The following PM20D2 variants were observed in gnomAD, a reference collection of about 807,000 sequenced individuals.
PM20D2 encodes peptidase M20 domain containing 2, also known as xaa-Arg dipeptidase.
PM20D2 carries 33 observed loss-of-function variants against 42.9 expected under a neutral mutation model. The ratio of observed to expected loss-of-function variants is 0.77; its 90% CI spans 0.58 to 1.03. The LOEUF (loss-of-function observed/expected upper bound fraction) is 1.03. PM20D2 is among the 50% of genes least tolerant of loss of function. PM20D2 has a pLI of 0.00. For missense variants in PM20D2, 548 were observed against 557.0 expected, an observed-to-expected ratio of 0.98 and a Z score of 0.16; for synonymous variants, 250 against 228.2, an observed-to-expected ratio of 1.10 and a Z score of -0.86.
chr6:89,159,641 G>A (rs1036604345), intron 5 of PM20D2, among the ~76,000 whole-genome samples: 7 of 152,154 alleles, frequency 4.6e-5, no homozygotes, highest in African/African-American at 1.7e-4. Context: ...ATACGGAAAA[G>A]AAAATAGTTT....
chr6:89,112,326 ATT>A, the PM20D2 span, among the ~76,000 whole-genome samples: 3 of 152,180 alleles, frequency 2.0e-5, no homozygotes, highest in South Asian at 6.2e-4. Context: ...TTTTTTAAAA[ATT>A]TGTTTTGTTT....
chr6:89,131,416 G>A, the PM20D2 span, among the ~76,000 whole-genome samples: 6 of 149,246 alleles, frequency 4.0e-5, no homozygotes, highest in South Asian at 2.2e-4. Flanking sequence ...GGCTGAGTAC[G>A]GTGGCTCACA....
the PM20D2 span, among the ~76,000 whole-genome samples, chr6:89,094,780 TC>T: frequency 1.0e-5 from 1 of 99,100 alleles, no homozygotes. Flanking sequence ...CTGCTACGCA[TC>T]TTTTTTTTTT....
At chr6:89,114,412 A>G in the PM20D2 span, among the ~76,000 whole-genome samples, 4 of 152,232 alleles carry the variant, frequency 2.6e-5, no homozygotes, top group Admixed American at 2.0e-4. Context: ...TGGCTGACAC[A>G]GCAAGACTCT....
intron 1 of PM20D2, among the ~76,000 whole-genome samples, chr6:89,148,877 G>A (rs903174911): frequency 6.6e-6 from 1 of 152,166 alleles, no homozygotes; most frequent in Non-Finnish European, 1.5e-5. Context: ...TTTCTGACTC[G>A]TAAAGTACTT....
the PM20D2 span, among the ~76,000 whole-genome samples, chr6:89,102,341 G>C: frequency 6.6e-6 from 1 of 151,934 alleles, no homozygotes; most frequent in East Asian, 1.9e-4. Flanking sequence ...ATGGGGTTTC[G>C]CCATGTTGGC....
At chr6:89,116,880 T>C in the PM20D2 span, among the ~76,000 whole-genome samples, 2 of 152,176 alleles carry the variant, frequency 1.3e-5, no homozygotes, top group Non-Finnish European at 2.9e-5. Context: ...AAGAGCTCCA[T>C]GTATCTATAC....
At chr6:89,148,662 T>C (rs1188805611) in intron 1 of PM20D2, 1 of 701,698 alleles carries the variant, frequency 1.4e-6, no homozygotes, top group Admixed American at 6.3e-5. Flanking sequence ...GTTCAGACTT[T>C]TAAAATAGGT....
At chr6:89,106,710 C>CT in the PM20D2 span, 13 of 248,786 alleles carry the variant, frequency 5.2e-5, no homozygotes, top group Non-Finnish European at 6.6e-5. Flanking sequence ...GAACCTTGAC[C>CT]TTTACTCTTT....
intron 4 of PM20D2, among the ~76,000 whole-genome samples, chr6:89,155,215 T>C (rs1419865751): frequency 1.3e-5 from 2 of 151,722 alleles, no homozygotes; most frequent in Admixed American, 6.6e-5. Context: ...AATTGCTATA[T>C]GTAGTTTCTA....
chr6:89,146,054 C>G (rs968746977), upstream of PM20D2: 2 of 1,171,140 alleles, frequency 1.7e-6, no homozygotes, highest in Non-Finnish European at 2.2e-6. Context: ...CCGCCGGGGT[C>G]CTGGAGGCCT....
At chr6:89,118,094 G>T in the PM20D2 span, 1 of 31,978 alleles carries the variant, frequency 3.1e-5, no homozygotes, top group South Asian at 9.5e-4. Flanking sequence ...CGGGGGCGGG[G>T]GCGGCGCCGG....
At chr6:89,105,693 T>C in the PM20D2 span, 1 of 467,822 alleles carries the variant, frequency 2.1e-6, no homozygotes, top group Non-Finnish European at 3.6e-6. Context: ...TTTCACTTTT[T>C]CTCATGAAAA....
the PM20D2 span, among the ~76,000 whole-genome samples, chr6:89,138,065 C>CT: frequency 0.63 from 91,692 of 144,714 alleles, 29,443 homozygotes; most frequent in South Asian, 0.76. Flanking sequence ...TTCAAGATTT[C>CT]TTTTTTTTTT....
the PM20D2 span, chr6:89,105,233 C>T: frequency 7.4e-6 from 12 of 1,610,950 alleles, no homozygotes; most frequent in East Asian, 6.7e-5. Flanking sequence ...ACAAGGATGA[C>T]GTTCTTTTGA....
the PM20D2 span, among the ~76,000 whole-genome samples, chr6:89,100,782 G>A: frequency 6.6e-6 from 1 of 152,116 alleles, no homozygotes; most frequent in Non-Finnish European, 1.5e-5. Context: ...GTCATTAGAT[G>A]GTCTTAACAG....
At chr6:89,129,976 T>A in the PM20D2 span, among the ~76,000 whole-genome samples, 1 of 152,078 alleles carries the variant, frequency 6.6e-6, no homozygotes, top group Non-Finnish European at 1.5e-5. Context: ...GCTCAAGCAG[T>A]CCTCTTGCCT....
chr6:89,094,781 C>CTTT, the PM20D2 span, among the ~76,000 whole-genome samples: 22 of 138,858 alleles, frequency 1.6e-4, 1 homozygote, highest in South Asian at 3.6e-3. Flanking sequence ...TGCTACGCAT[C>CTTT]TTTTTTTTTT....
chr6:89,101,258 G>A, the PM20D2 span, among the ~76,000 whole-genome samples: 1 of 152,166 alleles, frequency 6.6e-6, no homozygotes, highest in Non-Finnish European at 1.5e-5. Flanking sequence ...CCAGAGGAAA[G>A]ACTGAATAAG....
Sources: allele counts gnomAD v4.1 joint callset (sites outside exome capture counted in the v4.1 genomes callset), GRCh38; gene constraint gnomAD v4.1.1; transcripts MANE v1.5; gene names NCBI Gene and HGNC (gene_info 2026-07-23, HGNC 2026-07-21).